The following ATG10 variants were observed in gnomAD, a reference collection of about 807,000 sequenced individuals.
ATG10 encodes ubiquitin-like-conjugating enzyme ATG10.
ATG10 carries 30 observed loss-of-function variants against 32.1 expected under a neutral mutation model. That is an observed-to-expected ratio of 0.94 (90% confidence interval 0.70 to 1.27). The LOEUF (loss-of-function observed/expected upper bound fraction) is 1.27, where lower values mean the gene tolerates loss of function less well. ATG10 is among the 50% of genes most tolerant of loss of function. The pLI is 0.00. For missense variants in ATG10, 233 were observed against 262.3 expected, an observed-to-expected ratio of 0.89 and a Z score of 0.77; for synonymous variants, 87 against 91.5, an observed-to-expected ratio of 0.95 and a Z score of 0.28.
chr5:82,084,438 C>G (rs988636951), intron 3 of ATG10, among the ~76,000 whole-genome samples: 1 of 152,160 alleles, frequency 6.6e-6, no homozygotes, highest in Admixed American at 6.5e-5. Context: ...ACTTCCCCAA[C>G]CTAGCAAGGC....
chr5:82,038,412 G>T (rs1762996667), intron 2 of ATG10, among the ~76,000 whole-genome samples: 1 of 152,210 alleles, frequency 6.6e-6, no homozygotes, highest in African/African-American at 2.4e-5. Context: ...TATGAGTGCG[G>T]AGTTAAGTGT....
intron 3 of ATG10, among the ~76,000 whole-genome samples, chr5:82,132,614 A>G (rs1057107129): frequency 1.3e-5 from 2 of 151,986 alleles, no homozygotes; most frequent in East Asian, 3.9e-4. Flanking sequence ...ATGTTATTCT[A>G]TGGTGTATAT....
chr5:82,186,414 ACT>A (rs1055614920), intron 5 of ATG10, among the ~76,000 whole-genome samples: 1 of 151,986 alleles, frequency 6.6e-6, no homozygotes, highest in Non-Finnish European at 1.5e-5. Flanking sequence ...TGTGAGATAT[ACT>A]CTGTTTGTTA....
chr5:82,027,535 GAA>G (rs766173434), intron 2 of ATG10, among the ~76,000 whole-genome samples: 13 of 152,212 alleles, frequency 8.5e-5, no homozygotes, highest in East Asian at 3.9e-4. Flanking sequence ...GAATTTTGAT[GAA>G]GTTTGTTTTA....
intron 3 of ATG10, among the ~76,000 whole-genome samples, chr5:82,089,861 A>G (rs1764820272): frequency 6.6e-6 from 1 of 152,096 alleles, no homozygotes; most frequent in Non-Finnish European, 1.5e-5. Flanking sequence ...AAAAAGGACT[A>G]GTACTGAGAG....
At chr5:82,078,746 TAATA>T (rs1764365471) in intron 3 of ATG10, 1 of 152,154 alleles carries the variant, frequency 6.6e-6, no homozygotes, top group Non-Finnish European at 1.5e-5. Flanking sequence ...AAGAAACTTT[TAATA>T]AACAAACCAA....
intron 2 of ATG10, among the ~76,000 whole-genome samples, chr5:82,018,214 C>G (rs1204344497): frequency 2.0e-5 from 3 of 152,184 alleles, no homozygotes; most frequent in African/African-American, 7.2e-5. Context: ...GATGACAACT[C>G]CATCCTTCCA....
chr5:82,229,811 A>T (rs939055598), intron 5 of ATG10, among the ~76,000 whole-genome samples: 1 of 152,084 alleles, frequency 6.6e-6, no homozygotes, highest in Non-Finnish European at 1.5e-5. Context: ...TTGAACATCC[A>T]TGGGTTTTGC....
intron 3 of ATG10, among the ~76,000 whole-genome samples, chr5:82,084,759 A>G (rs1352557735): frequency 6.6e-6 from 1 of 152,184 alleles, no homozygotes; most frequent in African/African-American, 2.4e-5. Flanking sequence ...GAGAAATAAA[A>G]TCCATTACAG....
chr5:82,143,639 A>G (rs933937088), intron 3 of ATG10, among the ~76,000 whole-genome samples: 2 of 152,234 alleles, frequency 1.3e-5, no homozygotes, highest in Admixed American at 1.3e-4. Context: ...ATTATAATAC[A>G]TTTCTTATAT....
chr5:82,196,499 G>C (rs578145336), intron 5 of ATG10, among the ~76,000 whole-genome samples: 1 of 152,262 alleles, frequency 6.6e-6, no homozygotes, highest in South Asian at 2.1e-4. Context: ...GGTCTTCTAA[G>C]AGTTTTATGG....
intron 3 of ATG10, among the ~76,000 whole-genome samples, chr5:82,129,685 C>G (rs1766437387): frequency 6.6e-6 from 1 of 152,118 alleles, no homozygotes; most frequent in Admixed American, 6.6e-5. Flanking sequence ...TGCAGAACAG[C>G]AAAGATTGCT....
At chr5:82,152,626 T>G (rs1445492014) in intron 3 of ATG10, among the ~76,000 whole-genome samples, 3 of 152,162 alleles carry the variant, frequency 2.0e-5, no homozygotes, top group Admixed American at 6.6e-5. Context: ...AAGAGCTGGG[T>G]AGGAGGGCTA....
At chr5:82,172,377 T>C (rs1176842323) in intron 4 of ATG10, among the ~76,000 whole-genome samples, 2 of 152,206 alleles carry the variant, frequency 1.3e-5, no homozygotes, top group East Asian at 1.9e-4. Context: ...TATTGAACTT[T>C]GCCATTTCTT....
chr5:82,026,159 C>T (rs967005645), intron 2 of ATG10, among the ~76,000 whole-genome samples: 1 of 152,130 alleles, frequency 6.6e-6, no homozygotes, highest in Non-Finnish European at 1.5e-5. Flanking sequence ...TTCCTCCAGC[C>T]CCTGGCAACC....
At chr5:82,197,126 C>A (rs1372215566) in intron 5 of ATG10, among the ~76,000 whole-genome samples, 1 of 152,014 alleles carries the variant, frequency 6.6e-6, no homozygotes, top group Non-Finnish European at 1.5e-5. Flanking sequence ...TAAATTTATT[C>A]CTACATATTT....
At chr5:82,059,283 A>G (rs1404140331) in intron 3 of ATG10, among the ~76,000 whole-genome samples, 1 of 152,184 alleles carries the variant, frequency 6.6e-6, no homozygotes, top group Admixed American at 6.5e-5. Flanking sequence ...GTAAAAATAA[A>G]TAATAGAGAA....
chr5:82,083,737 C>A (rs1254208876), intron 3 of ATG10, among the ~76,000 whole-genome samples: 1 of 152,210 alleles, frequency 6.6e-6, no homozygotes, highest in Non-Finnish European at 1.5e-5. Context: ...CTCCAGAAAA[C>A]TCCAACAGAC....
intron 3 of ATG10, among the ~76,000 whole-genome samples, chr5:82,129,277 A>G (rs1266582091): frequency 6.6e-6 from 1 of 151,900 alleles, no homozygotes; most frequent in African/African-American, 2.4e-5. Flanking sequence ...GCTTCCTTGC[A>G]TTGGGTTAGA....
Sources: allele counts gnomAD v4.1 joint callset (sites outside exome capture counted in the v4.1 genomes callset), GRCh38; gene constraint gnomAD v4.1.1; transcripts MANE v1.5; gene names NCBI Gene and HGNC (gene_info 2026-07-23, HGNC 2026-07-21).